The following P3H3 variants were observed in gnomAD, a reference collection of about 807,000 sequenced individuals.
P3H3 encodes the protein gene rich cluster, B.
Under a neutral mutation model 78.1 loss-of-function variants are expected in P3H3, and 64 were observed. The observed-to-expected ratio is 0.82, with a 90% CI of 0.67 to 1.01. The LOEUF is 1.01. Among genes scored for constraint, P3H3 ranks in the 50% least tolerant of loss-of-function variants. The pLI is 0.00. For synonymous variants in P3H3, 425 were observed against 416.7 expected, an observed-to-expected ratio of 1.02 and a Z score of -0.24; for missense variants, 975 against 982.2, an observed-to-expected ratio of 0.99 and a Z score of 0.10.
At position 6,828,669 on chromosome 12, in the gene P3H3, T is replaced by G. The variant is rs1439487513; in HGVS notation, c.229T>G (p.Cys77Gly). 81 of 1,234,518 alleles carry G rather than the reference T, an allele frequency of 6.6e-5. No homozygotes were observed. The highest frequency in any genetic ancestry group is 8.6e-5 in the Admixed American group (2 of 23,288). The allele number at this position is 1,234,518 out of a possible 1,614,324, so 76.5% of individuals were successfully genotyped here. ...GGCGCTGGGCCGGGTGCGGCTGGATTGCGGGGCGAGCTGCGCGGCCGATCC... is the reference window on the plus strand; with the variant it reads ...GGCGCTGGGCCGGGTGCGGCTGGATGGCGGGGCGAGCTGCGCGGCCGATCC... ...QAALGRVRLD[C>G]GASCAADPGA... Residue 77 changes from cysteine (C) to glycine (G), a missense_variant, in exon 1 of 15, where the codon TGC becomes GGC. Coordinates refer to ENST00000290510, the MANE Select transcript of P3H3 (RefSeq NM_014262.5).
chr12:6,829,745 A>T lies in P3H3; in HGVS notation c.499-114A>T. 1 of 1,131,424 alleles carries T rather than the reference A, an allele frequency of 8.8e-7. No homozygotes were observed. The highest frequency in any genetic ancestry group is 1.3e-6 in the Non-Finnish European group (1 of 769,222). 70.1% of individuals were successfully genotyped at this position (1,131,424 alleles called of 1,614,324 possible). On this transcript the variant is annotated intron_variant, in intron 1 of 14. Transcript: ENST00000290510. The surrounding 1 kb of genome is among the most constrained non-coding windows in gnomAD (Gnocchi z 5.1). ...GGTTCTGATTGGCCAGTCTTCCATG[A>T]GGCTCTGGGGCACCCAGAGTGTGTG...
At chr12:6,832,921 C>T (rs1378507806) in intron 6 of P3H3, among the ~76,000 whole-genome samples, 1 of 146,762 alleles carries the variant, frequency 6.8e-6, no homozygotes, top group Non-Finnish European at 1.5e-5. Flanking sequence ...AGTTTAAAAC[C>T]TAACGCTGCT....
Position 6,830,763 on chromosome 12 carries a change from T to G in P3H3, c.978T>G (p.His326Gln). 1.2e-6 allele frequency: 2 copies of G among 1,613,980 alleles called. No homozygotes were observed. The highest frequency in any genetic ancestry group is 1.7e-6 in the Non-Finnish European group (2 of 1,179,866). The part of the protein sequence containing the change: ...PNQLRRLHEA[H>Q]AQVGNLSQAI... ...AGCTGAGGCGGCTACATGAGGCCCATGCTCAGGGTCAGTTGGGGAAGGGTG... is the reference window on the plus strand; with the variant it reads ...AGCTGAGGCGGCTACATGAGGCCCAGGCTCAGGGTCAGTTGGGGAAGGGTG... Residue 326 changes from histidine (H) to glutamine (Q), a missense_variant, in exon 4 of 15, where the codon CAT (histidine) becomes CAG (glutamine). Physicochemically the swap from His to Gln is conservative, Grantham distance 24. Coordinates refer to ENST00000290510, the MANE Select transcript of P3H3 (RefSeq NM_014262.5).
chr12:6,837,131 A>G, intron 10 of P3H3, 45 bp downstream of exon 10: 1 of 1,508,402 alleles, frequency 6.6e-7, no homozygotes, highest in Non-Finnish European at 9.1e-7. Flanking sequence ...CCAGACCTGG[A>G]GGAGAGGCTG....
Position 6,830,735 on chromosome 12 carries a change from A to G in P3H3, c.950A>G (p.Asn317Ser), listed in dbSNP as rs782307722. The G allele has an allele frequency of 1.2e-6, 2 of 1,613,828 alleles. No individual in the cohort carries two copies. Among genetic ancestry groups the G allele is most frequent in the Admixed American group, 1.7e-5 (1 of 59,992 alleles). ...TTCCCTGTCCCAGACTTCCTTCCCAACCAGCTGAGGCGGCTACATGAGGCC... is the reference window on the plus strand; with the variant it reads ...TTCCCTGTCCCAGACTTCCTTCCCAGCCAGCTGAGGCGGCTACATGAGGCC... ...RSFPVPDFLPNQLRRLHEAHA... is the reference protein window; with the variant it reads ...RSFPVPDFLPSQLRRLHEAHA... Residue 317 changes from asparagine (N) to serine (S), a missense_variant, in exon 4 of 15, where the codon AAC becomes AGC. Coordinates refer to ENST00000290510, the MANE Select transcript of P3H3 (RefSeq NM_014262.5).
chr12:6,832,732 G>C (rs990156127), intron 6 of P3H3, among the ~76,000 whole-genome samples: 3 of 151,850 alleles, frequency 2.0e-5, no homozygotes, highest in Non-Finnish European at 4.4e-5. Context: ...CTCCTGAGTA[G>C]CTGGGATTAC....
intron 9 of P3H3, 133 bp downstream of exon 9, chr12:6,834,182 TCAG>T: frequency 1.5e-6 from 2 of 1,337,086 alleles, no homozygotes; most frequent in Admixed American, 4.5e-5. Context: ...CCACTGCCTC[TCAG>T]CTGTGGATAA....
At position 6,833,535 on chromosome 12, in the gene P3H3, T is replaced by C. The variant is rs1035724507; in HGVS notation, c.1213-57T>C. ...TTAATGAGATATTTCAGCTCTAATG[T>C]CAGGGATTCCAGGGGCTGACCTTGG... On this transcript the variant is annotated intron_variant, in intron 6 of 14. Coordinates refer to ENST00000290510, the MANE Select transcript of P3H3 (RefSeq NM_014262.5). 6 of 1,523,270 alleles carry C rather than the reference T, an allele frequency of 3.9e-6. No individual in the cohort carries two copies. The African/African-American group carries it at 8.2e-5, about 21-fold the overall frequency. The allele number at this position is 1,523,270 out of a possible 1,614,324, so 94.4% of individuals were successfully genotyped here.
chr12:6,839,220 C>T (rs1374565091), intron 14 of P3H3, 77 bp from the exon 15 acceptor site: 64 of 1,567,698 alleles, frequency 4.1e-5, no homozygotes, highest in African/African-American at 9.5e-5. Context: ...GGCTCACAGT[C>T]GGTGAGGGTC....
At position 6,831,002 on chromosome 12, in the gene P3H3, C is replaced by G. The variant is rs1446239260; in HGVS notation, c.986-214C>G. The G allele has an allele frequency of 7.2e-6, 6 of 828,634 alleles. No individual in the cohort carries two copies. Among genetic ancestry groups the G allele is most frequent in the Middle Eastern group, 2.2e-4 (1 of 4,644 alleles). 51.3% of individuals were successfully genotyped at this position (828,634 alleles called of 1,614,324 possible). A position where few individuals can be genotyped will look rare whatever the true frequency, so the allele number is the denominator to read the frequency against. The stretch of plus-strand genomic sequence containing the variant: ...CTTCTCACCTTCCTTTATTTTCCCC[C>G]CTCTTGCTCTTCTTTGAACTCTCCA... On this transcript the variant is annotated intron_variant, in intron 4 of 14. Transcript: ENST00000290510. This position sits in a 1 kb window ranked among gnomAD's most constrained non-coding sequence, Gnocchi z 4.6.
intron 9 of P3H3, among the ~76,000 whole-genome samples, chr12:6,836,522 G>T (rs1555122138): frequency 1.3e-5 from 2 of 152,118 alleles, no homozygotes; most frequent in African/African-American, 4.8e-5. Context: ...GGTGGGAAGA[G>T]GTCAGAGAGG....
Position 6,836,150 on chromosome 12 carries a change from A to T in P3H3, c.1459-835A>T, listed in dbSNP as rs1294190714. ...GGTGGGAGGACCTCTGGAGCCTGGG[A>T]GGTGGAGATTGCAGTGAGCTATGAT... On this transcript the variant is annotated intron_variant, in intron 9 of 14. Transcript: ENST00000290510. Among the ~76,000 whole-genome samples the T allele has an allele frequency of 6.1e-5, 9 of 147,432 alleles. No homozygotes were observed. In the Admixed American group the frequency reaches 6.1e-4, roughly 10 times the overall value.
Position 6,839,041 on chromosome 12 carries a change from C to G in P3H3, c.1947C>G (p.Ser649Arg). Residue 649 changes from serine (S) to arginine (R), a missense_variant, in exon 14 of 15, where the codon AGC (serine) becomes AGG (arginine). By Grantham distance (110) the Ser-to-Arg change is moderately radical. Transcript: ENST00000290510. The stretch of plus-strand genomic sequence containing the variant: ...GCTGTGGGCGCCTTGTGGCCTTCAG[C>G]TCCGGTGTCGAGAATCCCCATGGGG... ...RPRCGRLVAF[S>R]SGVENPHGVW... The G allele has an allele frequency of 6.2e-7, 1 of 1,611,804 alleles. No individual in the cohort carries two copies. The highest frequency in any genetic ancestry group is 2.2e-5 in the East Asian group (1 of 44,858).
chr12:6,835,632 AAAAG>A (rs1943488865), intron 9 of P3H3, among the ~76,000 whole-genome samples: 1 of 152,050 alleles, frequency 6.6e-6, no homozygotes, highest in Non-Finnish European at 1.5e-5. Flanking sequence ...AATTAATTAA[AAAAG>A]AACATAGAAT....
At chr12:6,832,122 A>T (rs983693397) in intron 6 of P3H3, among the ~76,000 whole-genome samples, 6 of 152,154 alleles carry the variant, frequency 3.9e-5, no homozygotes, top group Non-Finnish European at 8.8e-5. Context: ...TCTGCCCCAA[A>T]CATCTCTGAA....
rs1206837474 is a variant in P3H3 at position 6,828,817 on chromosome 12, C to T, written c.377C>T (p.Thr126Ile). 1 of 1,238,216 alleles carries T rather than the reference C, an allele frequency of 8.1e-7. No individual in the cohort carries two copies. The highest frequency in any genetic ancestry group is 4.2e-5 in the Admixed American group (1 of 23,714). 76.7% of individuals were successfully genotyped at this position (1,238,216 alleles called of 1,614,324 possible). Residue 126 changes from threonine (T) to isoleucine (I), a missense_variant, in exon 1 of 15, where the codon ACC becomes ATC. Transcript: ENST00000290510. ...RAALRRADCLTQCAARRLGPG... is the reference protein window; with the variant it reads ...RAALRRADCLIQCAARRLGPG... ...GCGCTCCGCCGCGCAGACTGCCTGA[C>T]CCAGTGCGCAGCACGGAGGCTGGGC...
At chr12:6,835,941 C>T (rs1381831785) in intron 9 of P3H3, among the ~76,000 whole-genome samples, 1 of 151,894 alleles carries the variant, frequency 6.6e-6, no homozygotes, top group Non-Finnish European at 1.5e-5. Context: ...CGAATGCCAC[C>T]GTTGGCTGGC....
At chr12:6,832,306 A>C (rs973486493) in intron 6 of P3H3, among the ~76,000 whole-genome samples, 5 of 152,172 alleles carry the variant, frequency 3.3e-5, no homozygotes, top group Admixed American at 1.3e-4. Flanking sequence ...GAGGTTATCT[A>C]TGGCTAGGAC....
At chr12:6,833,869 C>T (rs1591580675) in intron 8 of P3H3, 56 bp from the exon 9 acceptor site, 3 of 1,613,646 alleles carry the variant, frequency 1.9e-6, no homozygotes, top group Non-Finnish European at 2.5e-6. Flanking sequence ...CCAGCTACTG[C>T]TCTGCCTGCC....
Sources: gnomAD v4.1 joint callset for allele counts (sites outside exome capture counted in the v4.1 genomes callset) on GRCh38, gnomAD v4.1.1 for gene constraint, Gnocchi (gnomAD v3.1) non-coding constraint, MANE v1.5 for transcripts, NCBI Gene and HGNC (gene_info 2026-07-23, HGNC 2026-07-21) for gene names.